CNTN1: variants seen among roughly 807,000 people sequenced by gnomAD.
The protein encoded by CNTN1 is contactin-1.
Under a neutral mutation model 126.4 loss-of-function variants are expected in CNTN1, and 38 were observed. That is an observed-to-expected ratio of 0.30 (90% CI 0.23 to 0.39). CNTN1 has a LOEUF of 0.39. Ranked by LOEUF, CNTN1 falls within the 10% of genes least tolerant of loss-of-function variation. The pLI is 1.00. For synonymous variants in CNTN1, 413 were observed against 422.6 expected, an observed-to-expected ratio of 0.98 and a Z score of 0.28; for missense variants, 1,009 against 1,248.4, an observed-to-expected ratio of 0.81 and a Z score of 2.89.
At chr12:40,718,426 G>T (rs61915101) in intron 1 of CNTN1, among the ~76,000 whole-genome samples, 2 of 151,784 alleles carry the variant, frequency 1.3e-5, no homozygotes, top group African/African-American at 2.4e-5. Flanking sequence ...TAATCCGCCC[G>T]CCTGGGCCTC....
intron 1 of CNTN1, among the ~76,000 whole-genome samples, chr12:40,760,015 C>T (rs1239315811): frequency 6.6e-6 from 1 of 151,984 alleles, no homozygotes. Flanking sequence ...TCCACTTTGC[C>T]TGTTGGTCAG....
chr12:40,822,785 A>C (rs1400529405), intron 1 of CNTN1, among the ~76,000 whole-genome samples: 1 of 152,132 alleles, frequency 6.6e-6, no homozygotes, highest in East Asian at 1.9e-4. Context: ...GGCTACATGG[A>C]CAGGTTTATT....
At chr12:40,737,713 T>C (rs1867430) in intron 1 of CNTN1, among the ~76,000 whole-genome samples, 21,063 of 151,970 alleles carry the variant, frequency 0.14, 1,671 homozygotes, top group African/African-American at 0.21. Context: ...ATTAATACTT[T>C]GTATCTTTCA....
At chr12:40,754,282 G>A (rs1218342970) in intron 1 of CNTN1, among the ~76,000 whole-genome samples, 1 of 151,906 alleles carries the variant, frequency 6.6e-6, no homozygotes, top group Non-Finnish European at 1.5e-5. Context: ...TGTATCTACA[G>A]GGAAATTGAT....
chr12:40,859,522 G>A (rs1330006322), intron 1 of CNTN1, among the ~76,000 whole-genome samples: 4 of 148,482 alleles, frequency 2.7e-5, no homozygotes, highest in African/African-American at 9.8e-5. Flanking sequence ...TAAACAAATT[G>A]TGCAATGGAA....
At chr12:40,819,508 C>T (rs962061139) in intron 1 of CNTN1, among the ~76,000 whole-genome samples, 4 of 152,180 alleles carry the variant, frequency 2.6e-5, no homozygotes, top group Admixed American at 6.5e-5. Context: ...AGTCTTGGGA[C>T]CAAGCTATCC....
At chr12:40,854,190 TATTAA>T (rs1235226489) in intron 1 of CNTN1, among the ~76,000 whole-genome samples, 4 of 151,902 alleles carry the variant, frequency 2.6e-5, no homozygotes, top group African/African-American at 7.3e-5. Flanking sequence ...TAAATACACA[TATTAA>T]ATTAAAAATA....
At chr12:40,884,726 T>G (rs1943974789) in intron 1 of CNTN1, among the ~76,000 whole-genome samples, 1 of 151,712 alleles carries the variant, frequency 6.6e-6, no homozygotes, top group African/African-American at 2.4e-5. Flanking sequence ...AAGTTTAGCA[T>G]GTTCTTTATT....
chr12:40,876,153 A>C (rs1008615853), intron 1 of CNTN1, among the ~76,000 whole-genome samples: 1 of 151,388 alleles, frequency 6.6e-6, no homozygotes, highest in African/African-American at 2.4e-5. Context: ...AAAAAAAAAA[A>C]CCCAGAAAAC....
chr12:40,762,620 T>C (rs571603206), intron 1 of CNTN1, among the ~76,000 whole-genome samples: 2 of 152,254 alleles, frequency 1.3e-5, no homozygotes, highest in East Asian at 1.9e-4. Flanking sequence ...CTGCATAGAA[T>C]AGTAAAAGAA....
At chr12:41,046,638 G>A (rs1442670131) in intron 23 of CNTN1, among the ~76,000 whole-genome samples, 5 of 151,736 alleles carry the variant, frequency 3.3e-5, no homozygotes, top group South Asian at 2.1e-4. Flanking sequence ...ACCACTAAAC[G>A]GGTCCATGAC....
intron 1 of CNTN1, among the ~76,000 whole-genome samples, chr12:40,846,891 G>A (rs1942528089): frequency 6.7e-6 from 1 of 150,244 alleles, no homozygotes; most frequent in African/African-American, 2.5e-5. Flanking sequence ...TTTCTGAGAT[G>A]GAGTCTCACT....
chr12:40,860,462 C>T (rs1335535646), intron 1 of CNTN1, among the ~76,000 whole-genome samples: 3 of 152,144 alleles, frequency 2.0e-5, no homozygotes, highest in East Asian at 1.9e-4. Flanking sequence ...TACAAGATTG[C>T]CCCCCACTTC....
At position 41,039,261 on chromosome 12, in the gene CNTN1, CAG is replaced by C. The variant is rs572593121; in HGVS notation, c.2980+10043_2980+10044del. ...GCAAATCTCTGTGAATCTCTGGAAA[CAG>C]GGGGATCAGTTAGGTGATAGTCCAA... On this transcript the variant is annotated intron_variant, in intron 23 of 23. Coordinates refer to ENST00000551295, the MANE Select transcript of CNTN1 (RefSeq NM_001843.4). 1.9e-3 allele frequency among the ~76,000 whole-genome samples: 292 copies of C among 152,198 alleles called. 4 individuals carry two copies. The highest frequency in any genetic ancestry group is 6.7e-3 in the African/African-American group (280 of 41,530).
In CNTN1 at chr12:40,943,581, AT is replaced by A. The variant is rs749533343; in HGVS notation, c.1380-11del. 3.3e-6 allele frequency: 5 copies of A among 1,532,302 alleles called. No individual in the cohort carries two copies. In the African/African-American group the frequency reaches 6.8e-5, roughly 21 times the overall value. 94.9% of individuals were successfully genotyped at this position (1,532,302 alleles called of 1,614,324 possible). ...TAAATCAGGTTTGTGAATTATATAT[AT>A]TTTTATTTCACTAGAATACTCATTT... On this transcript the variant is annotated splice_polypyrimidine_tract_variant and intron_variant, in intron 12 of 23. Coordinates refer to ENST00000551295, the MANE Select transcript of CNTN1 (RefSeq NM_001843.4).
chr12:41,016,381 AG>A (rs1948781138), intron 18 of CNTN1, among the ~76,000 whole-genome samples: 1 of 152,034 alleles, frequency 6.6e-6, no homozygotes, highest in African/African-American at 2.4e-5. Context: ...CGGGAAAGTG[AG>A]GGGGTGGGAG....
At chr12:41,009,899 A>G (rs899542053) in intron 17 of CNTN1, among the ~76,000 whole-genome samples, 1 of 152,208 alleles carries the variant, frequency 6.6e-6, no homozygotes, top group African/African-American at 2.4e-5. Flanking sequence ...TCCTGGGGCT[A>G]TAAGGATGCT....
chr12:41,049,918 G>T (rs2121016405), intron 23 of CNTN1, among the ~76,000 whole-genome samples: 1 of 152,216 alleles, frequency 6.6e-6, no homozygotes, highest in African/African-American at 2.4e-5. Context: ...TTTGTTTTGA[G>T]ATGGAGTCTT....
intron 1 of CNTN1, among the ~76,000 whole-genome samples, chr12:40,844,489 C>T (rs1942427311): frequency 6.6e-6 from 1 of 152,062 alleles, no homozygotes; most frequent in Admixed American, 6.6e-5. Context: ...TTAAGCAAAG[C>T]CTTCCCTTAA....
Sources: gnomAD v4.1 joint callset for allele counts (sites outside exome capture counted in the v4.1 genomes callset) on GRCh38, gnomAD v4.1.1 for gene constraint, MANE v1.5 for transcripts, NCBI Gene and HGNC (gene_info 2026-07-23, HGNC 2026-07-21) for gene names.